SLC11A1: variants seen among roughly 807,000 people sequenced by gnomAD.
SLC11A1 encodes the protein natural resistance-associated macrophage protein 1.
SLC11A1 carries 59 observed loss-of-function variants against 63.2 expected under a neutral mutation model. The ratio of observed to expected loss-of-function variants is 0.93; its 90% CI spans 0.76 to 1.16. The LOEUF (loss-of-function observed/expected upper bound fraction) is 1.16, where lower values mean the gene tolerates loss of function less well. Among genes scored for constraint, SLC11A1 ranks in the 50% most tolerant of loss-of-function variants. The pLI, the probability that SLC11A1 is intolerant of heterozygous loss-of-function variation, is 0.00. For missense variants in SLC11A1, 688 were observed against 730.7 expected, an observed-to-expected ratio of 0.94 and a Z score of 0.67; for synonymous variants, 305 against 307.8, an observed-to-expected ratio of 0.99 and a Z score of 0.09.
intron 5 of SLC11A1, 160 bp from the exon 6 acceptor site, chr2:218,387,000 A>T: frequency 1.4e-6 from 1 of 712,120 alleles, no homozygotes; most frequent in Non-Finnish European, 2.5e-6. Flanking sequence ...CCCTGCCTCG[A>T]CTGTTCTATG....
rs1019926678 is a variant in SLC11A1 at position 218,395,948 on chromosome 2, C to T, written c.*913C>T. 7 of 152,446 alleles carry T rather than the reference C, an allele frequency of 4.6e-5. 1 individual carries two copies. Among genetic ancestry groups the T allele is most frequent in the African/African-American group, 1.7e-4 (7 of 41,460 alleles). 9.4% of individuals were successfully genotyped at this position (152,446 alleles called of 1,614,324 possible). A position where few individuals can be genotyped will look rare whatever the true frequency, so the allele number is the denominator to read the frequency against. ...TAAAACGGCGGCGCACTTCTTTCTC[C>T]GTCAGGCACCAGGTCATAAGGAACC... is the stretch of plus-strand genomic sequence containing the variant. On this transcript the variant is annotated 3_prime_UTR_variant, in exon 15 of 15. Coordinates refer to ENST00000233202, the MANE Select transcript of SLC11A1 (RefSeq NM_000578.4).
intron 11 of SLC11A1, chr2:218,392,132 C>T (rs913640316): frequency 2.8e-5 from 11 of 388,680 alleles, no homozygotes; most frequent in South Asian, 5.3e-5. Flanking sequence ...TGCAATGGCG[C>T]GATCTCCGGC....
Position 218,384,542 on chromosome 2 carries a change from G to A in SLC11A1, c.273+177G>A. The A allele has an allele frequency of 2.1e-6, 1 of 469,874 alleles. No homozygotes were observed. Among genetic ancestry groups the A allele is most frequent in the Non-Finnish European group, 3.7e-6 (1 of 267,512 alleles). 29.1% of individuals were successfully genotyped at this position (469,874 alleles called of 1,614,324 possible). ...GCCAGAAGGTGGGGCATTTGTGTGG[G>A]GGGTAGGGGACTGGACTCCTCTCTT... is the stretch of plus-strand genomic sequence containing the variant. On this transcript the variant is annotated intron_variant, in intron 3 of 14. Transcript: ENST00000233202. This position sits in a 1 kb window ranked among gnomAD's most constrained non-coding sequence, Gnocchi z 4.0.
rs977617905 is a variant in SLC11A1 at position 218,394,031 on chromosome 2, G to A, written c.1315-89G>A. 1.4e-5 allele frequency: 18 copies of A among 1,328,140 alleles called. No homozygotes were observed. The African/African-American group carries it at 2.0e-4, about 15-fold the overall frequency. The allele number at this position is 1,328,140 out of a possible 1,614,324, so 82.3% of individuals were successfully genotyped here. A position where few individuals can be genotyped will look rare whatever the true frequency, so the allele number is the denominator to read the frequency against. On this transcript the variant is annotated intron_variant, in intron 12 of 14. Transcript: ENST00000233202. ...GGGCAGTTGAGCTCACACCCACACA[G>A]AGGGTGTCAAGCCACGCCCATCTTG... is the stretch of plus-strand genomic sequence containing the variant.
At chr2:218,382,470 G>A (rs1695858499) in intron 1 of SLC11A1, 95 bp downstream of exon 1, 32 of 1,402,000 alleles carry the variant, frequency 2.3e-5, no homozygotes, top group Non-Finnish European at 3.2e-5. Context: ...GAAAGCCCTT[G>A]GTCCCCTGTG....
At chr2:218,386,523 C>T in intron 4 of SLC11A1, 112 bp from the exon 5 acceptor site, 1 of 705,460 alleles carries the variant, frequency 1.4e-6, no homozygotes, top group East Asian at 2.7e-5. Context: ...GGTAGGAAGC[C>T]CATTGGCCAG....
chr2:218,384,834 G>A lies in SLC11A1; in HGVS notation c.274-313G>A, dbSNP rs571933124. On this transcript the variant is annotated intron_variant, in intron 3 of 14. Transcript: ENST00000233202. The surrounding 1 kb of genome is among the most constrained non-coding windows in gnomAD (Gnocchi z 4.0). ...AACTCCTGACCTCAAGTGATCCACC[G>A]CCTCGGCCTCCCAAAGTGCTGGGAT... The A allele has an allele frequency of 4.8e-4, 153 of 321,824 alleles. 2 individuals are homozygous for A. The highest frequency in any genetic ancestry group is 3.2e-3 in the South Asian group (127 of 39,390). 19.9% of individuals were successfully genotyped at this position (321,824 alleles called of 1,614,324 possible).
At position 218,384,257 on chromosome 2, in the gene SLC11A1, G is replaced by A. The variant is rs772578517; in HGVS notation, c.165G>A (p.Leu55=). 2.5e-6 allele frequency: 4 copies of A among 1,600,590 alleles called. No homozygotes were observed. Among genetic ancestry groups the A allele is most frequent in the Non-Finnish European group, 3.4e-6 (4 of 1,170,486 alleles). The change falls in exon 3 of 15, where the codon CTG becomes CTA. Residue 55 remains leucine, a synonymous_variant. Transcript: ENST00000233202. This position sits in a 1 kb window ranked among gnomAD's most constrained non-coding sequence, Gnocchi z 4.0. ...CCCCCCAACAGGGCACCTTCAGCCT[G>A]CGGAAGCTATGGGCCTTCACGGGGC... ...IPDTKPGTFS[L]RKLWAFTGPG...
Position 218,393,310 on chromosome 2 carries a change from C to T in SLC11A1, c.1314+180C>T, listed in dbSNP as rs560476332. On this transcript the variant is annotated intron_variant, in intron 12 of 14. Transcript: ENST00000233202. Reference sequence around the variant, plus strand: ...CAGGAGGGTAGGAATCACCATTATCCTTCCCCCCTCCCACCCCCCAGATGG... The same window carrying T: ...CAGGAGGGTAGGAATCACCATTATCTTTCCCCCCTCCCACCCCCCAGATGG... 2.7e-3 allele frequency among the ~76,000 whole-genome samples: 404 copies of T among 151,392 alleles called. 3 individuals are homozygous for T. Among genetic ancestry groups the T allele is most frequent in the Middle Eastern group, 0.014 (4 of 294 alleles).
intron 11 of SLC11A1, 103 bp downstream of exon 11, chr2:218,391,598 TCTTTTCTTC>T (rs1426502248): frequency 9.3e-6 from 12 of 1,292,542 alleles, no homozygotes; most frequent in Non-Finnish European, 1.0e-5. Context: ...TTCTTTTCTT[TCTTTTCTTC>T]CTTTTTTTTT....
At chr2:218,386,309 G>C (rs74967729) in intron 4 of SLC11A1, among the ~76,000 whole-genome samples, 1 of 152,020 alleles carries the variant, frequency 6.6e-6, no homozygotes, top group Non-Finnish European at 1.5e-5. Flanking sequence ...AAAACTAGCC[G>C]GGCATGGTGG....
At chr2:218,385,336 C>T (rs1032074512) in intron 4 of SLC11A1, 70 bp downstream of exon 4, 8 of 1,597,566 alleles carry the variant, frequency 5.0e-6, no homozygotes, top group South Asian at 2.2e-5. Flanking sequence ...TCAGCTTCCA[C>T]GATCAAATAA....
chr2:218,393,058 C>T lies in SLC11A1; in HGVS notation c.1242C>T (p.Leu414=), dbSNP rs758458385. 6.3e-6 allele frequency: 10 copies of T among 1,599,434 alleles called. No individual in the cohort carries two copies. The highest frequency in any genetic ancestry group is 1.7e-5 in the Admixed American group (1 of 58,858). Residue 414 remains leucine, a synonymous_variant, in exon 12 of 15, where the codon CTC becomes CTT. Transcript: ENST00000233202. The part of the protein sequence containing the change: ...TRSCAILPTV[L]VAVFRDLRDL... ...CCTGCGCCATCCTGCCCACCGTGCT[C>T]GTGGCTGTCTTCCGGGACCTGAGGG... is the stretch of plus-strand genomic sequence containing the variant.
intron 8 of SLC11A1, 100 bp downstream of exon 8, chr2:218,388,055 A>G: frequency 7.4e-7 from 1 of 1,358,164 alleles, no homozygotes. Flanking sequence ...TCCTTCCCTC[A>G]GGATTTGCGG....
chr2:218,384,801 T>C lies in SLC11A1; in HGVS notation c.274-346T>C. On this transcript the variant is annotated intron_variant, in intron 3 of 14. Coordinates refer to ENST00000233202, the MANE Select transcript of SLC11A1 (RefSeq NM_000578.4). The surrounding 1 kb of genome is among the most constrained non-coding windows in gnomAD (Gnocchi z 4.0). ...TGGGGTTTCACTGTGTGGGCCAGGC[T>C]GGTCTTGAACTCCTGACCTCAAGTG... 3 of 300,878 alleles carry C rather than the reference T, an allele frequency of 1.0e-5. No homozygotes were observed. Among genetic ancestry groups the C allele is most frequent in the Non-Finnish European group, 1.9e-5 (3 of 155,192 alleles). The allele number at this position is 300,878 out of a possible 1,614,324, so 18.6% of individuals were successfully genotyped here.
chr2:218,391,721 T>C lies in SLC11A1; in HGVS notation c.1164+226T>C, dbSNP rs984769454. On this transcript the variant is annotated intron_variant, in intron 11 of 14. Coordinates refer to ENST00000233202, the MANE Select transcript of SLC11A1 (RefSeq NM_000578.4). ...CTCACTGCAACCTCCCCCTCCCAGG[T>C]TCAAGCTTCTCCTGCTTCAGCCTCC... 6.1e-6 allele frequency: 3 copies of C among 492,266 alleles called. No individual in the cohort carries two copies. In the South Asian group the frequency reaches 7.2e-5, roughly 12 times the overall value. 30.5% of individuals were successfully genotyped at this position (492,266 alleles called of 1,614,324 possible).
At chr2:218,394,295 C>T (rs1696628963) in intron 13 of SLC11A1, 102 bp downstream of exon 13, 2 of 1,240,394 alleles carry the variant, frequency 1.6e-6, no homozygotes, top group African/African-American at 1.5e-5. Flanking sequence ...CCCAATGAAG[C>T]CACAGAGGCT....
chr2:218,389,688 G>A (rs1368854708), intron 8 of SLC11A1, among the ~76,000 whole-genome samples, 182 bp from the exon 9 acceptor site: 1 of 152,204 alleles, frequency 6.6e-6, no homozygotes, highest in East Asian at 1.9e-4. Flanking sequence ...ACAGTGGTAA[G>A]GCCTCTGTGG....
rs1173485263 is a variant in SLC11A1, at chr2:218,396,170, C to T, written c.*1135C>T. On this transcript the variant is annotated 3_prime_UTR_variant, in exon 15 of 15. Coordinates refer to ENST00000233202, the MANE Select transcript of SLC11A1 (RefSeq NM_000578.4). ...GCGGAACGACGCGGGGAGGCGGGCG[C>T]TCGGGGCTCGCGCCAGGGGCCCCAG... 4.2e-5 allele frequency: 2 copies of T among 47,190 alleles called. No individual in the cohort carries two copies. Among genetic ancestry groups the T allele is most frequent in the African/African-American group, 9.9e-5 (1 of 10,100 alleles). The allele number at this position is 47,190 out of a possible 1,614,324, so 2.9% of individuals were successfully genotyped here. A position where few individuals can be genotyped will look rare whatever the true frequency, so the allele number is the denominator to read the frequency against.
Sources: gnomAD v4.1 joint callset for allele counts (sites outside exome capture counted in the v4.1 genomes callset) on GRCh38, gnomAD v4.1.1 for gene constraint, Gnocchi (gnomAD v3.1) non-coding constraint, MANE v1.5 for transcripts, NCBI Gene and HGNC (gene_info 2026-07-23, HGNC 2026-07-21) for gene names.